Variants in ARPC1A observed in about 807,000 individuals in gnomAD.
The protein encoded by ARPC1A is actin-related protein 2/3 complex subunit 1A.
In ARPC1A, 8 loss-of-function variants were observed where a neutral mutation model predicts 46.9. The ratio of observed to expected loss-of-function variants is 0.17; its 90% confidence interval spans 0.10 to 0.31. The LOEUF is 0.31. ARPC1A is among the 10% of genes least tolerant of loss of function. The pLI is 1.00. For missense variants in ARPC1A, 286 were observed against 483.6 expected, an observed-to-expected ratio of 0.59 and a Z score of 3.83; for synonymous variants, 152 against 169.0, an observed-to-expected ratio of 0.90 and a Z score of 0.78.
At chr7:99,334,319 G>A (rs58110974) in intron 2 of ARPC1A, among the ~76,000 whole-genome samples, 1 of 151,764 alleles carries the variant, frequency 6.6e-6, no homozygotes, top group Non-Finnish European at 1.5e-5. Context: ...CTGAGATTGT[G>A]CCACTGTACT....
At chr7:99,363,663 TTTGTG>T in intron 9 of ARPC1A, 30 bp downstream of exon 9, 1 of 1,551,756 alleles carries the variant, frequency 6.4e-7, no homozygotes, top group East Asian at 2.3e-5. Context: ...ACAAATTTTG[TTTGTG>T]TTAAAACTTT....
intron 5 of ARPC1A, among the ~76,000 whole-genome samples, chr7:99,350,573 C>CAAAGCAAAT (rs750268419): frequency 8.6e-4 from 119 of 139,114 alleles, no homozygotes; most frequent in Non-Finnish European, 1.5e-3. Context: ...GAAAGGAAAG[C>CAAAGCAAAT]AAAGCAAATA....
At chr7:99,340,624 T>C (rs1443025051) in intron 3 of ARPC1A, among the ~76,000 whole-genome samples, 1 of 152,188 alleles carries the variant, frequency 6.6e-6, no homozygotes, top group Non-Finnish European at 1.5e-5. Flanking sequence ...TTTGTAAAGA[T>C]AGATTTCACC....
rs1319203164 is a variant in ARPC1A, at chr7:99,362,456, C to T, written c.984-1087C>T. ...ACGCCCTTCTCCTGCCTCAGCCTCC[C>T]AAGTAGCTGGGACTACAGGCGCCCG... On this transcript the variant is annotated intron_variant, in intron 8 of 9. Coordinates refer to ENST00000262942, the MANE Select transcript of ARPC1A (RefSeq NM_006409.4). Among the ~76,000 whole-genome samples, 5 of 149,274 alleles carry T rather than the reference C, an allele frequency of 3.3e-5. No individual in the cohort carries two copies. The East Asian group carries it at 1.0e-3, about 31-fold the overall frequency.
intron 3 of ARPC1A, among the ~76,000 whole-genome samples, chr7:99,343,003 T>C (rs1793380073): frequency 6.6e-6 from 1 of 152,124 alleles, no homozygotes; most frequent in South Asian, 2.1e-4. Context: ...GCGCCCGGCC[T>C]AACTCTTCAG....
At position 99,338,218 on chromosome 7, in the gene ARPC1A, C is replaced by G. The variant is rs1330112758; in HGVS notation, c.102C>G (p.Ile34Met). The G allele has an allele frequency of 6.2e-7, 1 of 1,613,380 alleles. No homozygotes were observed. The highest frequency in any genetic ancestry group is 2.2e-5 in the East Asian group (1 of 44,876). ...ALSPNNHEVH[I>M]YKKNGSQWVK... Reference sequence around the variant, plus strand: ...GTCCCAATAATCACGAAGTGCACATCTATAAGAAGAACGGGAGCCAGTGGG... The same window carrying G: ...GTCCCAATAATCACGAAGTGCACATGTATAAGAAGAACGGGAGCCAGTGGG... Residue 34 changes from isoleucine to methionine, a missense_variant, in exon 3 of 10, where the codon ATC becomes ATG. Ile to Met is a conservative substitution (Grantham distance 10). This residue lies in a region of ARPC1A where 55 missense variants were observed against 59.4 expected (regional missense o/e 0.93). Transcript: ENST00000262942.
intron 5 of ARPC1A, among the ~76,000 whole-genome samples, chr7:99,353,667 C>CG (rs1207124314): frequency 1.3e-5 from 2 of 151,080 alleles, no homozygotes; most frequent in Non-Finnish European, 2.9e-5. Flanking sequence ...TTAGTAGAGA[C>CG]GGGGTTTCTC....
At chr7:99,347,817 G>A (rs540560232) in intron 4 of ARPC1A, among the ~76,000 whole-genome samples, 56 of 143,130 alleles carry the variant, frequency 3.9e-4, no homozygotes, top group African/African-American at 1.4e-3. Context: ...CAACAAGAGC[G>A]AAACTCCATC....
At chr7:99,356,202 G>A (rs1201931259) in intron 6 of ARPC1A, among the ~76,000 whole-genome samples, 2 of 152,154 alleles carry the variant, frequency 1.3e-5, no homozygotes, top group Non-Finnish European at 2.9e-5. Flanking sequence ...TCCCTGTCAG[G>A]TCAGTAAGAG....
intron 6 of ARPC1A, 23 bp from the exon 7 acceptor site, chr7:99,358,317 A>C: frequency 6.2e-7 from 1 of 1,606,842 alleles, no homozygotes; most frequent in Non-Finnish European, 8.5e-7. Flanking sequence ...GCATCTTGGG[A>C]TAACACATGT....
intron 8 of ARPC1A, among the ~76,000 whole-genome samples, chr7:99,361,740 A>G (rs1174024291): frequency 1.3e-5 from 2 of 152,220 alleles, no homozygotes; most frequent in Non-Finnish European, 2.9e-5. Context: ...TGCAGAAATT[A>G]GGTGCTCTTT....
At chr7:99,330,542 C>T (rs982628010) in intron 1 of ARPC1A, among the ~76,000 whole-genome samples, 4 of 152,066 alleles carry the variant, frequency 2.6e-5, no homozygotes, top group African/African-American at 7.2e-5. Context: ...CTCGAACTCC[C>T]GACCTCAGGT....
At chr7:99,352,408 G>A (rs1793558219) in intron 5 of ARPC1A, among the ~76,000 whole-genome samples, 1 of 152,162 alleles carries the variant, frequency 6.6e-6, no homozygotes, top group African/African-American at 2.4e-5. Context: ...TGTAATCCCA[G>A]CACTTTGGGA....
chr7:99,335,782 A>G (rs968317666), intron 2 of ARPC1A, among the ~76,000 whole-genome samples: 1 of 152,078 alleles, frequency 6.6e-6, no homozygotes, highest in South Asian at 2.1e-4. Flanking sequence ...GTGAAACTCC[A>G]TCTCTATTAA....
intron 2 of ARPC1A, among the ~76,000 whole-genome samples, chr7:99,336,744 T>C (rs1023209853): frequency 2.1e-4 from 32 of 152,118 alleles, no homozygotes; most frequent in African/African-American, 7.7e-4. Context: ...TCTGCCTGCC[T>C]CAACCTCCCA....
rs1462466144 is a variant in ARPC1A, at chr7:99,333,357, T to C, written c.4T>C (p.Ser2Pro). 1 of 1,613,210 alleles carries C rather than the reference T, an allele frequency of 6.2e-7. No individual in the cohort carries two copies. The highest frequency in any genetic ancestry group is 1.7e-5 in the Admixed American group (1 of 59,968). M[S>P]LHQFLLEPIT... ...TCCTTTGAAAACACTAAGAATAATG[T>C]CACTGCATCAGTTTTTACTAGAGCC... Residue 2 changes from serine (S) to proline (P), a missense_variant, in exon 2 of 10, where the codon TCA (serine) becomes CCA (proline). Transcript: ENST00000262942.
chr7:99,359,504 G>A (rs758785423), intron 7 of ARPC1A, 41 bp from the exon 8 acceptor site: 1 of 1,604,434 alleles, frequency 6.2e-7, no homozygotes, highest in South Asian at 1.1e-5. Context: ...GGTGGGCGGT[G>A]GGCAGTGCAT....
At chr7:99,335,224 C>T (rs951439437) in intron 2 of ARPC1A, among the ~76,000 whole-genome samples, 1 of 152,050 alleles carries the variant, frequency 6.6e-6, no homozygotes, top group Non-Finnish European at 1.5e-5. Context: ...TCCTGGCCTC[C>T]AGCAATCCAC....
At chr7:99,350,943 A>G (rs1793535144) in intron 5 of ARPC1A, among the ~76,000 whole-genome samples, 1 of 151,604 alleles carries the variant, frequency 6.6e-6, no homozygotes, top group African/African-American at 2.4e-5. Context: ...CACTACACTC[A>G]GCTGGGATAC....
Sources: allele counts gnomAD v4.1 joint callset (sites outside exome capture counted in the v4.1 genomes callset), GRCh38; gene constraint gnomAD v4.1.1; regional missense constraint gnomAD v4.1.1; transcripts MANE v1.5; gene names NCBI Gene and HGNC (gene_info 2026-07-23, HGNC 2026-07-21).